The following STK32B variants were observed in gnomAD, a reference collection of about 807,000 sequenced individuals.
The protein encoded by STK32B is serine/threonine-protein kinase 32B.
In STK32B, 43 loss-of-function variants were observed where a neutral mutation model predicts 52.6. The ratio of observed to expected loss-of-function variants is 0.82; its 90% CI spans 0.64 to 1.05. The LOEUF is 1.05. Ranked by LOEUF, STK32B falls within the 50% of genes least tolerant of loss-of-function variation. The probability of loss-of-function intolerance (pLI) is 0.00; values close to 1 mark genes in which losing one functional copy is unlikely to be tolerated. For synonymous variants in STK32B, 238 were observed against 204.3 expected (o/e 1.17, Z -1.41); for missense variants, 621 against 534.6 (o/e 1.16, Z -1.59).
intron 3 of STK32B, among the ~76,000 whole-genome samples, chr4:5,236,323 A>G (rs933487407): frequency 1.3e-5 from 2 of 152,058 alleles, no homozygotes; most frequent in African/African-American, 4.8e-5. Context: ...TCCCTAGTGA[A>G]TAGCCTTTGT....
chr4:5,284,425 A>C (rs1249500499), intron 3 of STK32B, among the ~76,000 whole-genome samples: 3 of 152,214 alleles, frequency 2.0e-5, no homozygotes, highest in African/African-American at 7.2e-5. Flanking sequence ...AAGGCATAGA[A>C]TAATAGAAGG....
intron 3 of STK32B, among the ~76,000 whole-genome samples, chr4:5,316,350 C>T (rs1429314494): frequency 1.4e-3 from 37 of 26,046 alleles, no homozygotes; most frequent in African/African-American, 7.7e-3. Flanking sequence ...TATATTATAT[C>T]ATATATTATA....
intron 4 of STK32B, among the ~76,000 whole-genome samples, chr4:5,334,666 A>C (rs941104811): frequency 4.0e-5 from 6 of 150,906 alleles, no homozygotes; most frequent in Admixed American, 6.6e-5. Context: ...TACCTAATTT[A>C]TTGAGAGTTT....
At chr4:5,472,325 G>T (rs994932957) in intron 11 of STK32B, among the ~76,000 whole-genome samples, 4 of 152,216 alleles carry the variant, frequency 2.6e-5, no homozygotes, top group Non-Finnish European at 5.9e-5. Context: ...GTGCCCTGGG[G>T]CTAACCTCTC....
At chr4:5,348,503 C>T (rs1281919536) in intron 4 of STK32B, among the ~76,000 whole-genome samples, 2 of 152,158 alleles carry the variant, frequency 1.3e-5, no homozygotes, top group African/African-American at 2.4e-5. Flanking sequence ...TGACACCACC[C>T]GACCTCTAGT....
intron 6 of STK32B, among the ~76,000 whole-genome samples, chr4:5,425,743 C>G (rs1246957766): frequency 6.6e-6 from 1 of 152,116 alleles, no homozygotes; most frequent in Non-Finnish European, 1.5e-5. Flanking sequence ...AGATAAACAC[C>G]ACCACTATAA....
intron 3 of STK32B, among the ~76,000 whole-genome samples, chr4:5,275,235 A>G (rs1410935322): frequency 6.6e-6 from 1 of 152,234 alleles, no homozygotes; most frequent in Non-Finnish European, 1.5e-5. Flanking sequence ...GTGATGATGT[A>G]GATTCAACTT....
intron 4 of STK32B, among the ~76,000 whole-genome samples, chr4:5,361,814 C>T (rs1170825630): frequency 1.3e-5 from 2 of 152,110 alleles, no homozygotes; most frequent in Non-Finnish European, 2.9e-5. Context: ...ACATACATAG[C>T]GGGTATTCTA....
At chr4:5,100,787 C>CTTT (rs1713733874) in intron 1 of STK32B, among the ~76,000 whole-genome samples, 1 of 107,084 alleles carries the variant, frequency 9.3e-6, no homozygotes, top group Non-Finnish European at 1.9e-5. Flanking sequence ...CTTCTTCCTT[C>CTTT]CTTTATTCCT....
intron 1 of STK32B, among the ~76,000 whole-genome samples, chr4:5,061,167 A>C (rs1372897886): frequency 6.6e-6 from 1 of 152,198 alleles, no homozygotes; most frequent in African/African-American, 2.4e-5. Context: ...GGCTTTGACA[A>C]TACTTCTTTG....
chr4:5,474,664 T>C (rs1189375937), intron 11 of STK32B, among the ~76,000 whole-genome samples: 9 of 152,178 alleles, frequency 5.9e-5, no homozygotes, highest in African/African-American at 2.2e-4. Context: ...GAATTAAACA[T>C]TGTGGTTCAA....
chr4:5,311,441 G>A (rs1730282092), intron 3 of STK32B, among the ~76,000 whole-genome samples: 1 of 151,988 alleles, frequency 6.6e-6, no homozygotes, highest in Admixed American at 6.6e-5. Flanking sequence ...ATAAACAGTA[G>A]AAATCAATGA....
chr4:5,344,967 G>A lies in STK32B; in HGVS notation c.434+13574G>A, dbSNP rs180940891. On this transcript the variant is annotated intron_variant, in intron 4 of 11. Transcript: ENST00000282908. ...GAGATGGGAGGATCACCTGAGTCTG[G>A]GATGTTGAGGCTACAGTGAGCCGTG... Among the ~76,000 whole-genome samples the A allele has an allele frequency of 1.6e-4, 25 of 151,944 alleles. No individual in the cohort carries two copies. The East Asian group carries it at 4.8e-3, about 29-fold the overall frequency.
At chr4:5,316,898 TA>T (rs1730921451) in intron 3 of STK32B, among the ~76,000 whole-genome samples, 1 of 14,828 alleles carries the variant, frequency 6.7e-5, no homozygotes, top group Non-Finnish European at 9.0e-5. Context: ...ATATTATATA[TA>T]ATATATAATA....
At chr4:5,389,727 G>GCCCCC (rs147736631) in intron 4 of STK32B, among the ~76,000 whole-genome samples, 17 of 151,600 alleles carry the variant, frequency 1.1e-4, no homozygotes, top group African/African-American at 3.9e-4. Flanking sequence ...GACTGAAAAT[G>GCCCCC]CCCCCCCCAA....
At chr4:5,312,630 G>A (rs1195829132) in intron 3 of STK32B, among the ~76,000 whole-genome samples, 1 of 150,704 alleles carries the variant, frequency 6.6e-6, no homozygotes, top group Non-Finnish European at 1.5e-5. Context: ...CATTTTTTAT[G>A]GCTGCATAGT....
intron 1 of STK32B, among the ~76,000 whole-genome samples, chr4:5,063,893 T>C (rs909136774): frequency 6.6e-6 from 1 of 152,158 alleles, no homozygotes; most frequent in Non-Finnish European, 1.5e-5. Context: ...TTGTTTTAAA[T>C]TGCGTTTTTA....
chr4:5,286,190 A>C (rs1228341480), intron 3 of STK32B, among the ~76,000 whole-genome samples: 1 of 152,222 alleles, frequency 6.6e-6, no homozygotes, highest in African/African-American at 2.4e-5. Flanking sequence ...CAGTTCTAGC[A>C]AACTAATACA....
intron 2 of STK32B, among the ~76,000 whole-genome samples, chr4:5,163,443 G>A (rs57859097): frequency 0.21 from 31,667 of 152,054 alleles, 3,962 homozygotes; most frequent in East Asian, 0.29. Flanking sequence ...AAATTGGGTG[G>A]CAGTAGGTCA....
Sources: allele counts gnomAD v4.1 joint callset (sites outside exome capture counted in the v4.1 genomes callset), GRCh38; gene constraint gnomAD v4.1.1; transcripts MANE v1.5; gene names NCBI Gene and HGNC (gene_info 2026-07-23, HGNC 2026-07-21).